The following DPP10 variants were observed in gnomAD, a reference collection of about 807,000 sequenced individuals.
DPP10 encodes the protein dipeptidyl peptidase like 10, also known as inactive dipeptidyl peptidase 10.
Under a neutral mutation model 120.9 loss-of-function variants are expected in DPP10, and 33 were observed. The ratio of observed to expected loss-of-function variants is 0.27; its 90% confidence interval spans 0.21 to 0.37. The LOEUF (loss-of-function observed/expected upper bound fraction) is 0.37. Among genes scored for constraint, DPP10 ranks in the 10% least tolerant of loss-of-function variants. The pLI is 1.00. For synonymous variants in DPP10, 337 were observed against 326.1 expected (o/e 1.03, Z -0.36); for missense variants, 816 against 942.8 (o/e 0.87, Z 1.76).
intron 3 of DPP10, among the ~76,000 whole-genome samples, chr2:115,360,659 G>A (rs921344131): frequency 6.6e-6 from 1 of 152,168 alleles, no homozygotes; most frequent in Admixed American, 6.5e-5. Flanking sequence ...AGTCTCTGGT[G>A]CTGTGCCCAC....
At chr2:115,309,407 C>T in intron 2 of DPP10, 54 bp downstream of exon 2, 5 of 1,545,550 alleles carry the variant, frequency 3.2e-6, no homozygotes, top group South Asian at 2.2e-5. Context: ...ATGATAATTT[C>T]GCATTCAAAT....
At chr2:114,545,508 C>T (rs746157978) in intron 1 of DPP10, among the ~76,000 whole-genome samples, 6 of 152,196 alleles carry the variant, frequency 3.9e-5, no homozygotes, top group Non-Finnish European at 8.8e-5. Context: ...TTGAGATCAA[C>T]ATACAATGTC....
intron 2 of DPP10, among the ~76,000 whole-genome samples, chr2:115,332,680 G>A (rs958987034): frequency 1.3e-5 from 2 of 152,058 alleles, no homozygotes; most frequent in African/African-American, 2.4e-5. Context: ...ATTTTGTTAT[G>A]TACCCAGTAG....
intron 11 of DPP10, among the ~76,000 whole-genome samples, chr2:115,757,338 AT>A (rs1249407408): frequency 6.6e-6 from 1 of 152,016 alleles, no homozygotes; most frequent in Non-Finnish European, 1.5e-5. Flanking sequence ...CCAAAAAAAA[AT>A]AATAATAATA....
At chr2:114,800,582 A>G (rs1052787272) in intron 1 of DPP10, among the ~76,000 whole-genome samples, 2 of 152,210 alleles carry the variant, frequency 1.3e-5, no homozygotes. Flanking sequence ...GACTGGATGT[A>G]TTATATCATC....
At chr2:115,600,559 C>T (rs1025488886) in intron 5 of DPP10, among the ~76,000 whole-genome samples, 4 of 152,162 alleles carry the variant, frequency 2.6e-5, no homozygotes, top group African/African-American at 7.2e-5. Flanking sequence ...TATTTTTGCA[C>T]ATCTTTGGGA....
intron 3 of DPP10, among the ~76,000 whole-genome samples, chr2:115,456,215 A>G (rs1282316347): frequency 2.0e-5 from 3 of 152,218 alleles, no homozygotes; most frequent in African/African-American, 7.2e-5. Flanking sequence ...AAAAAAGCTC[A>G]TCATCACTTT....
intron 1 of DPP10, among the ~76,000 whole-genome samples, chr2:114,600,689 C>A (rs1487041532): frequency 6.6e-6 from 1 of 151,754 alleles, no homozygotes; most frequent in Non-Finnish European, 1.5e-5. Context: ...TGTTTAATGT[C>A]CCAGTAATAA....
intron 1 of DPP10, among the ~76,000 whole-genome samples, chr2:115,017,455 G>C (rs1025199535): frequency 1.3e-5 from 2 of 152,072 alleles, no homozygotes; most frequent in Non-Finnish European, 2.9e-5. Flanking sequence ...CAATTCCTCA[G>C]GGATCTAGAA....
chr2:115,752,440 C>T (rs72828569), intron 10 of DPP10, among the ~76,000 whole-genome samples: 12,991 of 152,086 alleles, frequency 0.085, 608 homozygotes, highest in South Asian at 0.13. Context: ...ATAATTGGCC[C>T]CATAAATTAT....
chr2:115,509,016 G>A (rs1356859051), intron 4 of DPP10, among the ~76,000 whole-genome samples: 1 of 152,152 alleles, frequency 6.6e-6, no homozygotes, highest in African/African-American at 2.4e-5. Flanking sequence ...AACAAAGAAT[G>A]CCATGGTAGT....
intron 8 of DPP10, among the ~76,000 whole-genome samples, chr2:115,729,700 G>A (rs189032439): frequency 4.6e-5 from 7 of 152,254 alleles, no homozygotes; most frequent in Middle Eastern, 3.4e-3. Flanking sequence ...GCTTGAGCTC[G>A]GGAGTTGAAG....
intron 1 of DPP10, among the ~76,000 whole-genome samples, chr2:115,303,031 G>T (rs1187793337): frequency 6.6e-6 from 1 of 151,846 alleles, no homozygotes; most frequent in Non-Finnish European, 1.5e-5. Flanking sequence ...AACCATGACT[G>T]TTTCTCCTAA....
intron 1 of DPP10, among the ~76,000 whole-genome samples, chr2:115,136,415 T>C (rs1414698143): frequency 6.6e-6 from 1 of 152,194 alleles, no homozygotes; most frequent in African/African-American, 2.4e-5. Context: ...GTTATTCTCA[T>C]AGTATTTACA....
At chr2:115,119,407 G>C (rs2049706939) in intron 1 of DPP10, among the ~76,000 whole-genome samples, 1 of 152,154 alleles carries the variant, frequency 6.6e-6, no homozygotes, top group Admixed American at 6.5e-5. Flanking sequence ...GTTTTAGCAA[G>C]ACAGATTAAC....
At chr2:114,867,262 C>T (rs1347485347) in intron 1 of DPP10, among the ~76,000 whole-genome samples, 8 of 152,258 alleles carry the variant, frequency 5.3e-5, no homozygotes, top group Non-Finnish European at 1.0e-4. Flanking sequence ...AGAAGATCCT[C>T]ACCTTTTGAG....
rs1009782592 is a variant in DPP10 at position 114,546,418 on chromosome 2, A to G, written c.60+103580A>G. 3.9e-5 allele frequency among the ~76,000 whole-genome samples: 6 copies of G among 152,282 alleles called. No individual in the cohort carries two copies. The South Asian group carries it at 1.2e-3, about 32-fold the overall frequency. On this transcript the variant is annotated intron_variant, in intron 1 of 25. Transcript: ENST00000410059. ...AGGGATGGTGCCAAACCATTCACGA[A>G]AAAATCATGATCCAATCAGCCTCTG...
chr2:115,500,294 C>G (rs1039745458), intron 4 of DPP10, among the ~76,000 whole-genome samples: 1 of 151,794 alleles, frequency 6.6e-6, no homozygotes. Context: ...AAATAGTACA[C>G]AGTTATTTAC....
At chr2:115,681,860 C>T (rs1345504896) in intron 5 of DPP10, among the ~76,000 whole-genome samples, 3 of 149,214 alleles carry the variant, frequency 2.0e-5, no homozygotes, top group African/African-American at 7.4e-5. Context: ...TTCTTGTAAA[C>T]TGCTAAGGAA....
Sources: allele counts gnomAD v4.1 joint callset (sites outside exome capture counted in the v4.1 genomes callset), GRCh38; gene constraint gnomAD v4.1.1; transcripts MANE v1.5; gene names NCBI Gene and HGNC (gene_info 2026-07-23, HGNC 2026-07-21).